The following GAA variants were observed in gnomAD, a reference collection of about 807,000 sequenced individuals.
GAA encodes the protein lysosomal alpha-glucosidase.
Under a neutral mutation model 103.9 loss-of-function variants are expected in GAA, and 88 were observed. That is an observed-to-expected ratio of 0.85 (90% CI 0.71 to 1.01). The LOEUF is 1.01. Among genes scored for constraint, GAA ranks in the 50% least tolerant of loss-of-function variants. GAA has a pLI of 0.00. For synonymous variants in GAA, 572 were observed against 563.1 expected (o/e 1.02, Z -0.22); for missense variants, 1,350 against 1,305.3 (o/e 1.03, Z -0.53).
rs2039145288 is a variant in GAA, at chr17:80,108,390, G to A, written c.1056G>A (p.Gln352=). 1 of 1,613,382 alleles carries A rather than the reference G, an allele frequency of 6.2e-7. No individual in the cohort carries two copies. The highest frequency in any genetic ancestry group is 8.5e-7 in the Non-Finnish European group (1 of 1,180,040). ...GCCCAGAGCCCAAGAGCGTGGTGCAGCAGTACCTGGACGTTGTGGGTAGGG... is the reference window on the plus strand; with the variant it reads ...GCCCAGAGCCCAAGAGCGTGGTGCAACAGTACCTGGACGTTGTGGGTAGGG... ...FLGPEPKSVV[Q]QYLDVVGYPF... is the part of the protein sequence containing the mutation. Residue 352 remains glutamine (Q), a synonymous_variant, in exon 6 of 20, where the codon CAG becomes CAA. Transcript: ENST00000302262.
chr17:80,102,400 C>G (rs574996868), intron 1 of GAA: 2 of 152,288 alleles, frequency 1.3e-5, no homozygotes, highest in Non-Finnish European at 2.9e-5. Context: ...CATGAGGTGA[C>G]TGATGACCGG....
chr17:80,109,640 A>C (rs1018891281), intron 8 of GAA, among the ~76,000 whole-genome samples: 1 of 151,940 alleles, frequency 6.6e-6, no homozygotes, highest in Admixed American at 6.5e-5. Flanking sequence ...TCTTTCTCAC[A>C]TTTTTTTAAT....
intron 15 of GAA, among the ~76,000 whole-genome samples, chr17:80,115,327 C>G (rs1567837875): frequency 6.6e-6 from 1 of 152,080 alleles, no homozygotes; most frequent in African/African-American, 2.4e-5. Flanking sequence ...GTCACTGATT[C>G]TTTTTTCCAC....
chr17:80,107,481 GGGGTGCTCTCT>G (rs1383921210), intron 3 of GAA, 65 bp from the exon 4 acceptor site: 3 of 1,594,788 alleles, frequency 1.9e-6, no homozygotes, highest in African/African-American at 1.3e-5. Flanking sequence ...CCAGGGCCCG[GGGGTGCTCTCT>G]GGGTGCTCTC....
intron 3 of GAA, among the ~76,000 whole-genome samples, chr17:80,106,431 CA>C (rs1479869137): frequency 2.0e-3 from 78 of 39,878 alleles, no homozygotes; most frequent in South Asian, 7.2e-3. Flanking sequence ...TGTGCAGACG[CA>C]GGGGACAGGG....
Position 80,108,237 on chromosome 17 carries a change from A to G in GAA, c.956-53A>G, listed in dbSNP as rs1288911327. The G allele has an allele frequency of 1.9e-6, 3 of 1,612,854 alleles. No homozygotes were observed. The Admixed American group carries it at 5.0e-5, about 27-fold the overall frequency. ...TGATTGGCCCATCTGTGGGGTGCAGAGCCCTCCAAGTGAAGAATCTGTCCC... is the reference window on the plus strand; with the variant it reads ...TGATTGGCCCATCTGTGGGGTGCAGGGCCCTCCAAGTGAAGAATCTGTCCC... On this transcript the variant is annotated intron_variant, in intron 5 of 19. Transcript: ENST00000302262.
rs12150323 is a variant in GAA at position 80,109,288 on chromosome 17, G to A, written c.1326+460G>A. On this transcript the variant is annotated intron_variant, in intron 8 of 19. Coordinates refer to ENST00000302262, the MANE Select transcript of GAA (RefSeq NM_000152.5). ...AGCCCTCATGCTGGCACCACAGAGC[G>A]GAGACTTCTTCCCATCAGCTCCCAT... 0.027 allele frequency among the ~76,000 whole-genome samples: 4,055 copies of A among 152,266 alleles called. 65 individuals carry two copies. The highest frequency in any genetic ancestry group is 0.054 in the Middle Eastern group (16 of 294).
rs1016741188 is a variant in GAA, at chr17:80,101,639, G to A, written c.-284G>A. On this transcript the variant is annotated 5_prime_UTR_variant, in exon 1 of 20. Transcript: ENST00000302262. ...GCGTGCGCGGAGGTGAGCCGGGCCG[G>A]GGCTGCGGGGCTTCCCTGAGCGCGG... The A allele has an allele frequency of 2.6e-5, 4 of 151,558 alleles. No homozygotes were observed. Among genetic ancestry groups the A allele is most frequent in the Non-Finnish European group, 5.9e-5 (4 of 67,854 alleles). The allele number at this position is 151,558 out of a possible 1,614,324, so 9.4% of individuals were successfully genotyped here. A position where few individuals can be genotyped will look rare whatever the true frequency, so the allele number is the denominator to read the frequency against.
intron 1 of GAA, among the ~76,000 whole-genome samples, chr17:80,103,990 A>G (rs2039011393): frequency 6.6e-6 from 1 of 152,188 alleles, no homozygotes; most frequent in Admixed American, 6.5e-5. Context: ...GCTCCCAGCC[A>G]GGCGTGGTCA....
intron 9 of GAA, among the ~76,000 whole-genome samples, chr17:80,110,363 G>T (rs897389735): frequency 1.3e-5 from 2 of 152,176 alleles, no homozygotes; most frequent in African/African-American, 4.8e-5. Context: ...TCCAGGCAGG[G>T]CCCCCGCTGA....
chr17:80,101,658 A>G lies in GAA; in HGVS notation c.-265A>G, dbSNP rs1412888880. ...GGGCCGGGGCTGCGGGGCTTCCCTGAGCGCGGGCCGGGTCGGTGGGGCGGT... is the reference window on the plus strand; with the variant it reads ...GGGCCGGGGCTGCGGGGCTTCCCTGGGCGCGGGCCGGGTCGGTGGGGCGGT... On this transcript the variant is annotated 5_prime_UTR_variant, in exon 1 of 20. Transcript: ENST00000302262. 1 of 151,470 alleles carries G rather than the reference A, an allele frequency of 6.6e-6. No homozygotes were observed. The highest frequency in any genetic ancestry group is 1.5e-5 in the Non-Finnish European group (1 of 67,850). 9.4% of individuals were successfully genotyped at this position (151,470 alleles called of 1,614,324 possible).
chr17:80,104,745 C>A lies in GAA; in HGVS notation c.159C>A (p.His53Gln). The A allele has an allele frequency of 6.2e-7, 1 of 1,611,324 alleles. No homozygotes were observed. The highest frequency in any genetic ancestry group is 1.3e-5 in the African/African-American group (1 of 75,034). The change falls in exon 2 of 20, where the codon CAC becomes CAA. Residue 53 changes from histidine (H) to glutamine (Q), a missense_variant. His to Gln is a conservative substitution (Grantham distance 24, BLOSUM62 0). Coordinates refer to ENST00000302262, the MANE Select transcript of GAA (RefSeq NM_000152.5). This position sits in a 1 kb window ranked among gnomAD's most constrained non-coding sequence, Gnocchi z 4.0. Reference protein sequence around the residue: ...SGSSPVLEETHPAHQQGASRP... With the variant: ...SGSSPVLEETQPAHQQGASRP... ...CCTCCCCAGTCCTGGAGGAGACTCA[C>A]CCAGCTCACCAGCAGGGAGCCAGCA...
intron 15 of GAA, 32 bp from the exon 16 acceptor site, chr17:80,116,936 C>T: frequency 6.2e-7 from 1 of 1,613,314 alleles, no homozygotes; most frequent in Non-Finnish European, 8.5e-7. Flanking sequence ...CCATTCATCA[C>T]CCGTATGCCT....
chr17:80,117,085 G>C lies in GAA; in HGVS notation c.2307G>C (p.Leu769Phe), dbSNP rs372800172. 1.0e-4 allele frequency: 169 copies of C among 1,612,992 alleles called. No homozygotes were observed. The highest frequency in any genetic ancestry group is 1.3e-4 in the Non-Finnish European group (151 of 1,180,032). ...GKAEVTGYFP[L>F]GTWYDLQTVP... Reference sequence around the variant, plus strand: ...CCGAAGTGACTGGCTACTTCCCCTTGGGCACATGGTACGACCTGCAGACGG... The same window carrying C: ...CCGAAGTGACTGGCTACTTCCCCTTCGGCACATGGTACGACCTGCAGACGG... Residue 769 changes from leucine (L) to phenylalanine (F), a missense_variant, in exon 16 of 20, where the codon TTG becomes TTC. Transcript: ENST00000302262.
chr17:80,119,165 C>A, intron 19 of GAA, 107 bp from the exon 20 acceptor site: 2 of 1,140,376 alleles, frequency 1.8e-6, no homozygotes, highest in Non-Finnish European at 2.7e-6. Context: ...AGCGCCGGGC[C>A]TCGCTGCTGC....
At chr17:80,107,453 C>T (rs2039112608) in intron 3 of GAA, 104 bp from the exon 4 acceptor site, 2 of 1,499,888 alleles carry the variant, frequency 1.3e-6, no homozygotes, top group East Asian at 4.5e-5. Context: ...GGCCAGGCCA[C>T]TCCGCCCTCC....
intron 5 of GAA, among the ~76,000 whole-genome samples, 174 bp downstream of exon 5, chr17:80,108,070 G>A (rs1385785905): frequency 6.6e-6 from 1 of 152,210 alleles, no homozygotes; most frequent in Non-Finnish European, 1.5e-5. Flanking sequence ...CTCCTAAGGA[G>A]GGTTCTGGGG....
intron 3 of GAA, 120 bp downstream of exon 3, chr17:80,106,014 C>A: frequency 7.3e-7 from 1 of 1,368,538 alleles, no homozygotes; most frequent in East Asian, 2.4e-5. Flanking sequence ...GTTTGTTTCT[C>A]ACACGGCGGG....
At position 80,109,955 on chromosome 17, in the gene GAA, T is replaced by C; in HGVS notation, c.1337T>C (p.Ile446Thr). The C allele has an allele frequency of 5.6e-6, 9 of 1,613,186 alleles. No homozygotes were observed. Among genetic ancestry groups the C allele is most frequent in the Non-Finnish European group, 7.6e-6 (9 of 1,179,780 alleles). Residue 446 changes from isoleucine to threonine, a missense_variant, in exon 9 of 20, where the codon ATC becomes ACC. Transcript: ENST00000302262. Reference protein sequence around the residue: ...RRYMMIVDPAISSSGPAGSYR... With the variant: ...RRYMMIVDPATSSSGPAGSYR... ...TTTCCCTCTTCCCAGGATCCTGCCATCAGCAGCTCGGGCCCTGCCGGGAGC... is the reference window on the plus strand; with the variant it reads ...TTTCCCTCTTCCCAGGATCCTGCCACCAGCAGCTCGGGCCCTGCCGGGAGC...
Sources: gnomAD v4.1 joint callset for allele counts (sites outside exome capture counted in the v4.1 genomes callset) on GRCh38, gnomAD v4.1.1 for gene constraint, Gnocchi (gnomAD v3.1) non-coding constraint, MANE v1.5 for transcripts, NCBI Gene and HGNC (gene_info 2026-07-23, HGNC 2026-07-21) for gene names.